The following SYTL3 variants were observed in gnomAD, a reference collection of about 807,000 sequenced individuals.
The protein encoded by SYTL3 is synaptotagmin like 3.
Under a neutral mutation model 82.1 loss-of-function variants are expected in SYTL3, and 88 were observed. The observed-to-expected ratio is 1.07, with a 90% CI of 0.90 to 1.28. The LOEUF (loss-of-function observed/expected upper bound fraction) is 1.28, where lower values mean the gene tolerates loss of function less well. Among genes scored for constraint, SYTL3 ranks in the 50% most tolerant of loss-of-function variants. The pLI is 0.00. For synonymous variants in SYTL3, 311 were observed against 289.4 expected (o/e 1.07, Z -0.76); for missense variants, 831 against 757.6 (o/e 1.10, Z -1.14).
chr6:158,701,291 TGTAGATGAAGGAGTGTGAG>T (rs1781231922), intron 6 of SYTL3, among the ~76,000 whole-genome samples: 7 of 7,076 alleles, frequency 9.9e-4, no homozygotes, highest in African/African-American at 3.4e-3. Context: ...TGAGCTGGGG[TGTAGATGAAGGAGTGTGAG>T]CTGGGGTGTA....
intron 6 of SYTL3, among the ~76,000 whole-genome samples, chr6:158,703,078 T>C (rs140239484): frequency 0.02 from 2,935 of 144,324 alleles, 90 homozygotes; most frequent in African/African-American, 0.072. Context: ...CACTCGAACC[T>C]GGGAGGCGGA....
intron 11 of SYTL3, among the ~76,000 whole-genome samples, chr6:158,736,221 G>T (rs960422415): frequency 6.6e-6 from 1 of 151,922 alleles, no homozygotes; most frequent in African/African-American, 2.4e-5. Flanking sequence ...CGTTGTGGCG[G>T]GTGCCTGTAA....
intron 11 of SYTL3, among the ~76,000 whole-genome samples, chr6:158,740,467 A>G (rs1027921509): frequency 1.3e-5 from 2 of 152,188 alleles, no homozygotes; most frequent in South Asian, 2.1e-4. Context: ...CAGTGCCAGT[A>G]TCAGGATCAC....
At chr6:158,726,850 C>CT (rs1200378161) in intron 11 of SYTL3, 7,521 of 135,736 alleles carry the variant, frequency 0.055, 476 homozygotes, top group African/African-American at 0.14. Flanking sequence ...GTTGAACTTT[C>CT]TTTTTTTTTT....
intron 11 of SYTL3, chr6:158,725,963 G>T: frequency 1.5e-6 from 1 of 671,114 alleles, no homozygotes; most frequent in Admixed American, 1.9e-5. Context: ...GCGCCGGTCA[G>T]CTTCTTCCAA....
At chr6:158,654,707 G>A (rs370162917) in intron 2 of SYTL3, among the ~76,000 whole-genome samples, 1 of 152,166 alleles carries the variant, frequency 6.6e-6, no homozygotes, top group Non-Finnish European at 1.5e-5. Context: ...AGGAAGGCCA[G>A]TCTCCCAGAG....
chr6:158,648,327 C>T (rs1036229951), upstream of SYTL3, among the ~76,000 whole-genome samples: 4 of 152,014 alleles, frequency 2.6e-5, no homozygotes, highest in South Asian at 2.1e-4. Flanking sequence ...CGTGGTGGCT[C>T]ACGCCTGTAA....
intron 17 of SYTL3, 94 bp from the exon 18 acceptor site, chr6:158,764,401 A>C: frequency 2.1e-6 from 2 of 949,278 alleles, no homozygotes; most frequent in Non-Finnish European, 3.3e-6. Context: ...ACTTGAGGTG[A>C]AAAACTTCTG....
At chr6:158,754,366 C>T (rs1350443115) in intron 13 of SYTL3, among the ~76,000 whole-genome samples, 2 of 152,196 alleles carry the variant, frequency 1.3e-5, no homozygotes, top group South Asian at 4.1e-4. Context: ...TCATTCCCAG[C>T]TGAGCCTGGA....
At chr6:158,698,572 C>A (rs1330636282) in intron 6 of SYTL3, among the ~76,000 whole-genome samples, 1 of 152,118 alleles carries the variant, frequency 6.6e-6, no homozygotes, top group African/African-American at 2.4e-5. Context: ...CCACTCTAAC[C>A]CCTGGTTTTG....
At chr6:158,713,951 C>A in intron 9 of SYTL3, 73 bp downstream of exon 9, 2 of 1,103,460 alleles carry the variant, frequency 1.8e-6, no homozygotes, top group South Asian at 2.7e-5. Flanking sequence ...AGGGCCTGGC[C>A]GGTGACCTCG....
At chr6:158,695,529 TTG>T (rs1317208913) in intron 6 of SYTL3, among the ~76,000 whole-genome samples, 4 of 152,224 alleles carry the variant, frequency 2.6e-5, no homozygotes, top group Admixed American at 2.0e-4. Context: ...ATTTTTAAAA[TTG>T]TGGCAAAATA....
chr6:158,719,826 A>G (rs1385084755), intron 10 of SYTL3, among the ~76,000 whole-genome samples: 1 of 152,242 alleles, frequency 6.6e-6, no homozygotes, highest in African/African-American at 2.4e-5. Flanking sequence ...CTGGTGGCTC[A>G]TGCCGGTAAT....
intron 12 of SYTL3, among the ~76,000 whole-genome samples, chr6:158,749,444 G>A (rs1208275175): frequency 1.5e-5 from 2 of 134,222 alleles, no homozygotes; most frequent in Non-Finnish European, 3.2e-5. Flanking sequence ...GGGATATTAT[G>A]TAAAACTTTG....
intron 2 of SYTL3, among the ~76,000 whole-genome samples, chr6:158,658,769 A>G (rs1789010932): frequency 1.2e-5 from 1 of 80,112 alleles, no homozygotes; most frequent in African/African-American, 6.8e-5. Context: ...TACTAAAAAT[A>G]CAAAAAAAAA....
chr6:158,689,512 A>G (rs1190160307), intron 6 of SYTL3, among the ~76,000 whole-genome samples: 5 of 152,144 alleles, frequency 3.3e-5, no homozygotes, highest in African/African-American at 1.2e-4. Flanking sequence ...TTTGTTTTTA[A>G]CACAAAGAAG....
At chr6:158,672,818 G>A (rs1777551137) in intron 5 of SYTL3, among the ~76,000 whole-genome samples, 1 of 151,844 alleles carries the variant, frequency 6.6e-6, no homozygotes, top group Admixed American at 6.6e-5. Context: ...TTTTTTTGTA[G>A]AGATAGGGGT....
intron 12 of SYTL3, among the ~76,000 whole-genome samples, chr6:158,749,390 GAAA>G (rs1167978441): frequency 3.8e-5 from 2 of 52,142 alleles, no homozygotes; most frequent in South Asian, 8.8e-4. Context: ...GACTCTGTCT[GAAA>G]AAAAAAAAAA....
At chr6:158,664,075 A>T (rs1438974011) in intron 4 of SYTL3, among the ~76,000 whole-genome samples, 3 of 152,172 alleles carry the variant, frequency 2.0e-5, no homozygotes, top group African/African-American at 7.2e-5. Context: ...GCGCTTGTTT[A>T]TCAATGTCTA....
Sources: allele counts gnomAD v4.1 joint callset (sites outside exome capture counted in the v4.1 genomes callset), GRCh38; gene constraint gnomAD v4.1.1; transcripts MANE v1.5; gene names NCBI Gene and HGNC (gene_info 2026-07-23, HGNC 2026-07-21).